Variants in TLN2 observed in about 807,000 individuals in gnomAD.
TLN2 encodes talin-2.
A neutral mutation model predicts 294.7 loss-of-function variants in TLN2; 118 were observed. The observed-to-expected ratio is 0.40, with a 90% CI of 0.34 to 0.47. TLN2 has a LOEUF of 0.47. TLN2 is among the 20% of genes least tolerant of loss of function. The probability of loss-of-function intolerance (pLI) is 0.84; values close to 1 mark genes in which losing one functional copy is unlikely to be tolerated. For missense variants in TLN2, 3,083 were observed against 3,282.2 expected, an observed-to-expected ratio of 0.94 and a Z score of 1.48; for synonymous variants, 1,431 against 1,304.5, an observed-to-expected ratio of 1.10 and a Z score of -2.09.
At chr15:62,779,760 C>T (rs369032655) in intron 43 of TLN2, among the ~76,000 whole-genome samples, 51 of 152,186 alleles carry the variant, frequency 3.4e-4, no homozygotes, top group African/African-American at 1.2e-3. Context: ...GCCCCCGTGC[C>T]GTGATGGGGA....
intron 1 of TLN2, among the ~76,000 whole-genome samples, chr15:62,515,274 T>C (rs2040131971): frequency 6.6e-6 from 1 of 152,246 alleles, no homozygotes; most frequent in East Asian, 1.9e-4. Context: ...TTGGTGAGAT[T>C]GATCCATGTT....
At chr15:62,462,091 C>T (rs932599440) in intron 1 of TLN2, among the ~76,000 whole-genome samples, 7 of 152,066 alleles carry the variant, frequency 4.6e-5, no homozygotes, top group East Asian at 1.9e-4. Flanking sequence ...AAAAATTAGC[C>T]GGGCGTGGTG....
intron 1 of TLN2, among the ~76,000 whole-genome samples, chr15:62,429,130 T>TGGGGGGGGG (rs201052996): frequency 2.1e-4 from 16 of 74,786 alleles, no homozygotes; most frequent in East Asian, 5.9e-4. Context: ...TTGGCGGGGG[T>TGGGGGGGGG]TGGGGGGGTA....
At position 62,399,271 on chromosome 15, in the gene TLN2, A is replaced by T. The variant is rs1053993287; in HGVS notation, c.-238+8586A>T. Among the ~76,000 whole-genome samples the T allele has an allele frequency of 6.3e-3, 943 of 150,558 alleles. 12 individuals carry two copies. Among genetic ancestry groups the T allele is most frequent in the African/African-American group, 0.022 (904 of 41,006 alleles). ...CCGTCTCAAACAAAAAAAAAAAAAA[A>T]AAAAAAAAAAAAAAGTAAGAAATGC... On this transcript the variant is annotated intron_variant, in intron 1 of 58. Coordinates refer to ENST00000636159, the MANE Select transcript of TLN2 (RefSeq NM_015059.3).
At chr15:62,399,054 G>A (rs2032792851) in intron 1 of TLN2, among the ~76,000 whole-genome samples, 1 of 151,988 alleles carries the variant, frequency 6.6e-6, no homozygotes, top group Non-Finnish European at 1.5e-5. Context: ...GCTACAAGGG[G>A]CCAAAGTACA....
chr15:62,724,735 C>T (rs1176434738), intron 26 of TLN2, among the ~76,000 whole-genome samples: 1 of 152,006 alleles, frequency 6.6e-6, no homozygotes, highest in African/African-American at 2.4e-5. Flanking sequence ...GGGTCACTTC[C>T]GGAACTCTTA....
intron 2 of TLN2, among the ~76,000 whole-genome samples, chr15:62,615,464 C>T (rs1366886613): frequency 6.6e-6 from 1 of 152,186 alleles, no homozygotes; most frequent in Non-Finnish European, 1.5e-5. Context: ...TTTAATTTGG[C>T]AAATTGGTTA....
intron 5 of TLN2, among the ~76,000 whole-genome samples, chr15:62,651,690 C>T (rs28425542): frequency 1.3e-5 from 2 of 152,104 alleles, no homozygotes; most frequent in South Asian, 2.1e-4. Context: ...GTGAAAAGAA[C>T]GTATGGAATA....
chr15:62,571,311 G>A (rs917086550), intron 1 of TLN2, among the ~76,000 whole-genome samples: 4 of 152,126 alleles, frequency 2.6e-5, no homozygotes, highest in African/African-American at 9.7e-5. Flanking sequence ...CATCTGGGGG[G>A]ACGGTGCCAA....
intron 57 of TLN2, chr15:62,838,104 C>G (rs896082745): frequency 2.0e-5 from 3 of 152,234 alleles, no homozygotes; most frequent in African/African-American, 7.2e-5. Context: ...AAAAGCTCTT[C>G]TTTACCTGTC....
At chr15:62,838,813 G>A in intron 57 of TLN2, 43 bp from the exon 58 acceptor site, 1 of 1,603,952 alleles carries the variant, frequency 6.2e-7, no homozygotes, top group African/African-American at 1.3e-5. Context: ...AGGCCCAAAT[G>A]GCTGTTTCTA....
chr15:62,694,386 CA>C lies in TLN2; in HGVS notation c.1292del (p.Lys431SerfsTer25), dbSNP rs1567375196. 4 of 1,613,576 alleles carry C rather than the reference CA, an allele frequency of 2.5e-6. No homozygotes were observed. The highest frequency in any genetic ancestry group is 1.7e-6 in the Non-Finnish European group (2 of 1,179,734). ...ESTMLEESVSPKKSTILQQQF... is the reference protein window; with the variant it reads ...ESTMLEESVSXKKSTILQQQF... ...ACCATGTTAGAAGAGTCCGTTTCCC[CA>C]AAAAAGTAAGTATTATGAAGAGTAC... On this transcript the variant is annotated frameshift_variant, in exon 14 of 59. Transcript: ENST00000636159. LOFTEE classifies it high-confidence loss of function.
intron 5 of TLN2, among the ~76,000 whole-genome samples, chr15:62,650,422 T>C (rs1057109423): frequency 4.6e-5 from 7 of 152,206 alleles, no homozygotes; most frequent in Admixed American, 2.0e-4. Flanking sequence ...CTTGTCGTTG[T>C]TGGATTTGGT....
At chr15:62,682,658 A>G (rs2056939383) in intron 11 of TLN2, among the ~76,000 whole-genome samples, 1 of 152,200 alleles carries the variant, frequency 6.6e-6, no homozygotes, top group Non-Finnish European at 1.5e-5. Flanking sequence ...AAATCTCCAT[A>G]AATGGGAGCT....
intron 1 of TLN2, among the ~76,000 whole-genome samples, chr15:62,488,003 A>G (rs1289449398): frequency 6.6e-6 from 1 of 151,956 alleles, no homozygotes; most frequent in Non-Finnish European, 1.5e-5. Flanking sequence ...ACTTGAGCCC[A>G]GGAGAGAGAG....
chr15:62,781,291 A>C, intron 44 of TLN2, 50 bp downstream of exon 44: 2 of 1,440,372 alleles, frequency 1.4e-6, no homozygotes, highest in Non-Finnish European at 9.7e-7. Context: ...CTTTTTATCC[A>C]CTGCCGCCGC....
Position 62,581,900 on chromosome 15 carries a change from C to T in TLN2, c.-237-7787C>T, listed in dbSNP as rs548315226. ...CTCTACTAAAAATACAAAAATTAGC[C>T]GGGCGTAGTGGTATGAGTCTGTAGT... On this transcript the variant is annotated intron_variant, in intron 1 of 58. Transcript: ENST00000636159. 5.9e-5 allele frequency among the ~76,000 whole-genome samples: 9 copies of T among 151,838 alleles called. No individual in the cohort carries two copies. In the South Asian group the frequency reaches 1.0e-3, roughly 18 times the overall value.
chr15:62,424,952 CTTTTTTTT>C (rs529075856), intron 1 of TLN2, among the ~76,000 whole-genome samples: 8 of 129,254 alleles, frequency 6.2e-5, no homozygotes, highest in Non-Finnish European at 1.3e-4. Context: ...CGTGCCTGGC[CTTTTTTTT>C]TTTTTTTTTT....
intron 1 of TLN2, among the ~76,000 whole-genome samples, chr15:62,444,055 A>G (rs1288794075): frequency 1.3e-5 from 2 of 152,232 alleles, no homozygotes; most frequent in Non-Finnish European, 2.9e-5. Flanking sequence ...CATCCAGTCA[A>G]GAACCTTTAT....
Sources: gnomAD v4.1 joint callset for allele counts (sites outside exome capture counted in the v4.1 genomes callset) on GRCh38, gnomAD v4.1.1 for gene constraint, MANE v1.5 for transcripts, NCBI Gene and HGNC (gene_info 2026-07-23, HGNC 2026-07-21) for gene names.